Variants in MAGI1 observed in about 807,000 individuals in gnomAD.
MAGI1 encodes membrane associated guanylate kinase, WW and PDZ domain containing 1, also known as membrane-associated guanylate kinase, WW and PDZ domain-containing protein 1.
In MAGI1, 58 loss-of-function variants were observed where a neutral mutation model predicts 139.9. The observed-to-expected ratio is 0.41, with a 90% CI of 0.34 to 0.52. The LOEUF (loss-of-function observed/expected upper bound fraction) is 0.52, where lower values mean the gene tolerates loss of function less well. Ranked by LOEUF, MAGI1 falls within the 20% of genes least tolerant of loss-of-function variation. The pLI is 0.12. For missense variants in MAGI1, 1,874 were observed against 1,901.6 expected (o/e 0.99, Z 0.27); for synonymous variants, 812 against 737.9 (o/e 1.10, Z -1.63).
Position 65,891,513 on chromosome 3 carries a change from T to A in MAGI1, c.313+146483A>T, listed in dbSNP as rs569535182. Among the ~76,000 whole-genome samples the A allele has an allele frequency of 7.9e-5, 12 of 151,966 alleles. No individual in the cohort carries two copies. The South Asian group carries it at 2.5e-3, about 32-fold the overall frequency. On this transcript the variant is annotated intron_variant, in intron 1 of 22. Coordinates refer to ENST00000402939, the MANE Select transcript of MAGI1 (RefSeq NM_001033057.2). ...AGCCCCAACAAACTAAAATGTTAGATTAAGGGACAGAAGTATTTTCTACTT... is the reference window on the plus strand; with the variant it reads ...AGCCCCAACAAACTAAAATGTTAGAATAAGGGACAGAAGTATTTTCTACTT...
chr3:65,922,914 G>T (rs1039541955), intron 1 of MAGI1, among the ~76,000 whole-genome samples: 16 of 147,936 alleles, frequency 1.1e-4, no homozygotes, highest in African/African-American at 4.1e-4. Context: ...AGGAACTCTG[G>T]TAGGACTATA....
At chr3:65,769,069 A>C (rs1157766786) in intron 1 of MAGI1, among the ~76,000 whole-genome samples, 1 of 152,206 alleles carries the variant, frequency 6.6e-6, no homozygotes, top group Non-Finnish European at 1.5e-5. Flanking sequence ...AAAAAAAAGA[A>C]ATGCCTTTTT....
intron 8 of MAGI1, 35 bp downstream of exon 8, chr3:65,442,757 A>G: frequency 6.6e-7 from 1 of 1,523,522 alleles, no homozygotes. Flanking sequence ...ATAGAGAGGT[A>G]TAAACTAATG....
At chr3:65,863,567 T>G (rs1002667327) in intron 1 of MAGI1, among the ~76,000 whole-genome samples, 1 of 152,184 alleles carries the variant, frequency 6.6e-6, no homozygotes, top group Non-Finnish European at 1.5e-5. Flanking sequence ...TGCAGGTCAA[T>G]TACCTTTGTT....
chr3:65,900,291 C>T (rs1034617919), intron 1 of MAGI1, among the ~76,000 whole-genome samples: 2 of 152,196 alleles, frequency 1.3e-5, no homozygotes, highest in Admixed American at 6.5e-5. Flanking sequence ...AAAGTCACAA[C>T]ATCACTAACC....
chr3:65,507,342 T>G (rs1457168985), intron 2 of MAGI1, among the ~76,000 whole-genome samples: 1 of 152,210 alleles, frequency 6.6e-6, no homozygotes, highest in East Asian at 1.9e-4. Context: ...AGATTTGGCA[T>G]CAAAAACTCA....
At chr3:65,767,757 G>A (rs2037608669) in intron 1 of MAGI1, among the ~76,000 whole-genome samples, 1 of 152,184 alleles carries the variant, frequency 6.6e-6, no homozygotes, top group Non-Finnish European at 1.5e-5. Flanking sequence ...TCTAAGCTTA[G>A]GAGAAATGAC....
chr3:65,804,475 TA>T (rs1250938693), intron 1 of MAGI1, among the ~76,000 whole-genome samples: 1 of 151,856 alleles, frequency 6.6e-6, no homozygotes, highest in African/African-American at 2.4e-5. Flanking sequence ...TATACTGATA[TA>T]AATTATATTG....
At chr3:65,362,962 T>C (rs367617951) in intron 21 of MAGI1, among the ~76,000 whole-genome samples, 1 of 152,322 alleles carries the variant, frequency 6.6e-6, no homozygotes, top group African/African-American at 2.4e-5. Flanking sequence ...TGAATATTCA[T>C]GCCACAGAGC....
intron 1 of MAGI1, among the ~76,000 whole-genome samples, chr3:65,642,940 G>T (rs1286291092): frequency 6.6e-6 from 1 of 152,224 alleles, no homozygotes; most frequent in Non-Finnish European, 1.5e-5. Context: ...TCAGCTTGAA[G>T]AAACAGAAGG....
chr3:66,002,844 A>G (rs2066818779), intron 1 of MAGI1, among the ~76,000 whole-genome samples: 1 of 152,148 alleles, frequency 6.6e-6, no homozygotes. Flanking sequence ...CTTCTGATTC[A>G]CTGCACTTCA....
rs200690850 is a variant in MAGI1, at chr3:65,382,018, G to A, written c.2560C>T (p.Leu854=). The change falls in exon 16 of 23, where the codon CTG becomes TTG. Residue 854 remains leucine (L), a synonymous_variant. Coordinates refer to ENST00000402939, the MANE Select transcript of MAGI1 (RefSeq NM_001033057.2). Reference sequence around the variant, plus strand: ...CAGATTAATTCATCTCCAGACCTCAGGCGGCCGTCAGTATCAGCAGCACCC... The same window carrying A: ...CAGATTAATTCATCTCCAGACCTCAAGCGGCCGTCAGTATCAGCAGCACCC... ...PLGAADTDGR[L]RSGDELICVD... 17 of 1,614,088 alleles carry A rather than the reference G, an allele frequency of 1.1e-5. No individual in the cohort carries two copies. In the South Asian group the frequency reaches 1.8e-4, roughly 17 times the overall value.
At chr3:65,806,163 G>A (rs1363429540) in intron 1 of MAGI1, among the ~76,000 whole-genome samples, 1 of 152,044 alleles carries the variant, frequency 6.6e-6, no homozygotes, top group Non-Finnish European at 1.5e-5. Context: ...AGGCACGGTG[G>A]CTCATGCCTG....
intron 12 of MAGI1, among the ~76,000 whole-genome samples, chr3:65,425,451 A>G (rs982588820): frequency 2.6e-5 from 4 of 152,092 alleles, no homozygotes; most frequent in African/African-American, 9.7e-5. Flanking sequence ...ATACAACAAT[A>G]AGGTCATCCC....
intron 1 of MAGI1, among the ~76,000 whole-genome samples, chr3:66,028,277 C>T (rs570864345): frequency 6.6e-6 from 1 of 152,280 alleles, no homozygotes; most frequent in Non-Finnish European, 1.5e-5. Flanking sequence ...AAGATCACAG[C>T]TGCTTGTAGG....
chr3:65,473,275 G>C (rs1028143176), intron 4 of MAGI1, among the ~76,000 whole-genome samples: 1 of 152,146 alleles, frequency 6.6e-6, no homozygotes, highest in Admixed American at 6.5e-5. Context: ...ACAGATTATA[G>C]TCTTGTCTGC....
intron 1 of MAGI1, among the ~76,000 whole-genome samples, chr3:65,956,407 T>C (rs1415180241): frequency 6.6e-6 from 1 of 152,142 alleles, no homozygotes; most frequent in African/African-American, 2.4e-5. Flanking sequence ...GTGTGTGAGA[T>C]TCTGTAGGGT....
chr3:66,004,227 C>T (rs768310733), intron 1 of MAGI1, among the ~76,000 whole-genome samples: 2 of 152,164 alleles, frequency 1.3e-5, no homozygotes, highest in Admixed American at 6.5e-5. Context: ...ATTATGCTCA[C>T]GGTTCTGTGG....
chr3:65,751,318 C>T (rs748514946), intron 1 of MAGI1, among the ~76,000 whole-genome samples: 13 of 152,116 alleles, frequency 8.5e-5, no homozygotes, highest in Non-Finnish European at 1.9e-4. Flanking sequence ...GGTGCACTGA[C>T]AGAAAGAGCC....
Sources: allele counts gnomAD v4.1 joint callset (sites outside exome capture counted in the v4.1 genomes callset), GRCh38; gene constraint gnomAD v4.1.1; transcripts MANE v1.5; gene names NCBI Gene and HGNC (gene_info 2026-07-23, HGNC 2026-07-21).